The following PPP3CA variants were observed in gnomAD, a reference collection of about 807,000 sequenced individuals.
PPP3CA encodes the protein protein phosphatase 3 catalytic subunit alpha.
Under a neutral mutation model 66.5 loss-of-function variants are expected in PPP3CA, and 14 were observed. The ratio of observed to expected loss-of-function variants is 0.21; its 90% CI spans 0.14 to 0.33. The LOEUF is 0.33. PPP3CA is among the 10% of genes least tolerant of loss of function. The pLI is 1.00. For missense variants in PPP3CA, 317 were observed against 639.5 expected (o/e 0.50, Z 5.44); for synonymous variants, 232 against 226.2 (o/e 1.03, Z -0.23).
chr4:101,036,498 G>A (rs1369896641), intron 11 of PPP3CA, among the ~76,000 whole-genome samples: 3 of 151,716 alleles, frequency 2.0e-5, no homozygotes, highest in African/African-American at 4.8e-5. Context: ...TGCAAGCCCC[G>A]CCTCCGGGGT....
At chr4:101,331,159 T>C (rs1227194795) in intron 1 of PPP3CA, among the ~76,000 whole-genome samples, 1 of 152,224 alleles carries the variant, frequency 6.6e-6, no homozygotes, top group Admixed American at 6.5e-5. Context: ...TGGCCTCATC[T>C]TGCCCTGAAG....
intron 1 of PPP3CA, among the ~76,000 whole-genome samples, chr4:101,332,358 G>A (rs1417177733): frequency 6.6e-6 from 1 of 152,220 alleles, no homozygotes; most frequent in Non-Finnish European, 1.5e-5. Flanking sequence ...TTAGGATTCA[G>A]TCAAGATGAG....
chr4:101,049,084 G>A (rs559478570), intron 10 of PPP3CA, among the ~76,000 whole-genome samples: 1 of 152,142 alleles, frequency 6.6e-6, no homozygotes. Context: ...ACACTCAAAT[G>A]CCCAATAACT....
intron 1 of PPP3CA, among the ~76,000 whole-genome samples, chr4:101,338,955 A>G (rs1729722535): frequency 6.6e-6 from 1 of 152,244 alleles, no homozygotes; most frequent in Non-Finnish European, 1.5e-5. Context: ...ATTTAACTTG[A>G]TAAAACAGCA....
intron 2 of PPP3CA, among the ~76,000 whole-genome samples, chr4:101,166,651 A>G (rs748054925): frequency 2.6e-5 from 4 of 152,186 alleles, no homozygotes; most frequent in Non-Finnish European, 5.9e-5. Context: ...TATTATGTTA[A>G]TTTGGATTTT....
chr4:101,176,466 G>A (rs1724063298), intron 2 of PPP3CA, among the ~76,000 whole-genome samples: 1 of 152,134 alleles, frequency 6.6e-6, no homozygotes, highest in African/African-American at 2.4e-5. Flanking sequence ...CCAGAGTTCT[G>A]GGCCTAGTTC....
At chr4:101,074,797 A>AT (rs922092008) in intron 8 of PPP3CA, among the ~76,000 whole-genome samples, 1 of 152,198 alleles carries the variant, frequency 6.6e-6, no homozygotes, top group African/African-American at 2.4e-5. Context: ...AAAACATCAT[A>AT]TTTTTCCCTA....
chr4:101,045,600 C>A (rs1439317911), intron 10 of PPP3CA, among the ~76,000 whole-genome samples: 2 of 152,104 alleles, frequency 1.3e-5, no homozygotes, highest in African/African-American at 4.8e-5. Context: ...CAAAACTCCA[C>A]ATTATGGTCA....
chr4:101,227,487 C>T (rs1725819943), intron 1 of PPP3CA, among the ~76,000 whole-genome samples: 1 of 151,740 alleles, frequency 6.6e-6, no homozygotes, highest in Non-Finnish European at 1.5e-5. Flanking sequence ...AACTTCTCTT[C>T]CTCATGTTTC....
intron 1 of PPP3CA, among the ~76,000 whole-genome samples, chr4:101,256,443 T>C (rs926529670): frequency 2.6e-5 from 4 of 151,958 alleles, no homozygotes; most frequent in Admixed American, 1.3e-4. Context: ...AAATGGTAAA[T>C]ACCCACCTGC....
intron 2 of PPP3CA, among the ~76,000 whole-genome samples, chr4:101,160,267 T>A (rs1292734309): frequency 6.6e-6 from 1 of 152,024 alleles, no homozygotes; most frequent in African/African-American, 2.4e-5. Context: ...CCATGGAAAA[T>A]CCATTGACAA....
intron 5 of PPP3CA, among the ~76,000 whole-genome samples, chr4:101,097,240 A>C (rs1383969985): frequency 6.6e-6 from 1 of 152,162 alleles, no homozygotes; most frequent in Non-Finnish European, 1.5e-5. Context: ...AGTAATTTAG[A>C]ACAATGTGAC....
intron 1 of PPP3CA, among the ~76,000 whole-genome samples, chr4:101,257,330 C>G (rs1266826527): frequency 2.2e-5 from 3 of 138,634 alleles, no homozygotes; most frequent in African/African-American, 5.3e-5. Flanking sequence ...ATGTATGAGA[C>G]TTTTTTTTTT....
At chr4:101,071,295 C>CTAA in intron 8 of PPP3CA, among the ~76,000 whole-genome samples, 1 of 152,272 alleles carries the variant, frequency 6.6e-6, no homozygotes, top group South Asian at 2.1e-4. Context: ...TCCAAGATAT[C>CTAA]CTTGGCACTG....
chr4:101,054,002 T>G (rs1728120136), intron 10 of PPP3CA, among the ~76,000 whole-genome samples: 1 of 152,082 alleles, frequency 6.6e-6, no homozygotes, highest in East Asian at 1.9e-4. Flanking sequence ...TCAAATACTG[T>G]TTTTATTATG....
At chr4:101,152,471 T>G (rs1322428748) in intron 2 of PPP3CA, among the ~76,000 whole-genome samples, 3 of 152,218 alleles carry the variant, frequency 2.0e-5, no homozygotes, top group Non-Finnish European at 2.9e-5. Context: ...CACATTCTAA[T>G]GTAGTAGGTG....
intron 2 of PPP3CA, among the ~76,000 whole-genome samples, chr4:101,153,265 G>A (rs928253121): frequency 6.6e-6 from 1 of 152,106 alleles, no homozygotes; most frequent in Non-Finnish European, 1.5e-5. Flanking sequence ...TTATTTTAAA[G>A]AAAAGAATTC....
At chr4:101,146,678 T>C (rs2110295378) in intron 2 of PPP3CA, among the ~76,000 whole-genome samples, 1 of 152,190 alleles carries the variant, frequency 6.6e-6, no homozygotes, top group Admixed American at 6.5e-5. Context: ...CCTGACCTCG[T>C]GATCTGCCCA....
At chr4:101,137,626 A>T (rs1451012308) in intron 2 of PPP3CA, among the ~76,000 whole-genome samples, 1 of 152,070 alleles carries the variant, frequency 6.6e-6, no homozygotes, top group East Asian at 1.9e-4. Flanking sequence ...CCTTTGGAAG[A>T]GCTGAGCACC....
Sources: allele counts gnomAD v4.1 joint callset (sites outside exome capture counted in the v4.1 genomes callset), GRCh38; gene constraint gnomAD v4.1.1; transcripts MANE v1.5; gene names NCBI Gene and HGNC (gene_info 2026-07-23, HGNC 2026-07-21).